Variants in KCNIP4 observed in about 807,000 individuals in gnomAD.
KCNIP4 encodes the protein Kv channel-interacting protein 4.
A neutral mutation model predicts 34.0 loss-of-function variants in KCNIP4; 12 were observed. The ratio of observed to expected loss-of-function variants is 0.35; its 90% CI spans 0.23 to 0.57. The LOEUF (loss-of-function observed/expected upper bound fraction) is 0.57. Ranked by LOEUF, KCNIP4 falls within the 20% of genes least tolerant of loss-of-function variation. KCNIP4 has a pLI of 0.83. For synonymous variants in KCNIP4, 124 were observed against 102.2 expected (o/e 1.21, Z -1.29); for missense variants, 238 against 311.7 (o/e 0.76, Z 1.78).
chr4:21,246,603 T>C (rs1250168627), intron 1 of KCNIP4, among the ~76,000 whole-genome samples: 1 of 152,112 alleles, frequency 6.6e-6, no homozygotes, highest in African/African-American at 2.4e-5. Flanking sequence ...CAGCAGGCAA[T>C]TTTGATACAC....
At chr4:21,270,655 A>C (rs1004091123) in intron 1 of KCNIP4, among the ~76,000 whole-genome samples, 1 of 152,198 alleles carries the variant, frequency 6.6e-6, no homozygotes, top group Admixed American at 6.5e-5. Context: ...CATTCAATTA[A>C]TTTTTTTCCA....
intron 1 of KCNIP4, among the ~76,000 whole-genome samples, chr4:21,720,487 T>G (rs1357602017): frequency 6.6e-6 from 1 of 151,730 alleles, no homozygotes; most frequent in Non-Finnish European, 1.5e-5. Context: ...TAAAAGAGAA[T>G]GACTCGGAGC....
chr4:21,059,642 G>C (rs1167812466), intron 1 of KCNIP4, among the ~76,000 whole-genome samples: 1 of 152,058 alleles, frequency 6.6e-6, no homozygotes, highest in Non-Finnish European at 1.5e-5. Context: ...GTGTATTTAT[G>C]GGATAGAGGG....
At chr4:21,564,711 G>C (rs1346132033) in intron 1 of KCNIP4, among the ~76,000 whole-genome samples, 2 of 152,040 alleles carry the variant, frequency 1.3e-5, no homozygotes, top group Admixed American at 1.3e-4. Context: ...GGCTGTAAAA[G>C]AAGCACAGCA....
intron 3 of KCNIP4, among the ~76,000 whole-genome samples, chr4:20,802,414 C>A (rs181924181): frequency 7.2e-5 from 11 of 151,796 alleles, no homozygotes; most frequent in African/African-American, 1.9e-4. Context: ...TAGTAGGGAA[C>A]TTTAATACTC....
chr4:21,124,692 G>A (rs987558049), intron 1 of KCNIP4, among the ~76,000 whole-genome samples: 2 of 152,104 alleles, frequency 1.3e-5, no homozygotes, highest in African/African-American at 4.8e-5. Context: ...GCTTAAAAAG[G>A]TACAGACTCC....
chr4:21,062,165 C>CT lies in KCNIP4; in HGVS notation c.62-179457dup, dbSNP rs1257149427. ...CTTAGCACTAATTTTGTCATATGTC[C>CT]TGTGCTAATGGATGTAGATGACAAT... On this transcript the variant is annotated intron_variant, in intron 1 of 8. Transcript: ENST00000382152. Among the ~76,000 whole-genome samples, 3 of 152,118 alleles carry CT rather than the reference C, an allele frequency of 2.0e-5. No homozygotes were observed. The East Asian group carries it at 5.8e-4, about 29-fold the overall frequency.
intron 1 of KCNIP4, among the ~76,000 whole-genome samples, chr4:21,366,284 A>G (rs1316726121): frequency 6.6e-6 from 1 of 152,122 alleles, no homozygotes; most frequent in African/African-American, 2.4e-5. Context: ...TAAAAAAAAC[A>G]TACTCCAGCC....
chr4:21,314,577 A>AT (rs1713535192), intron 1 of KCNIP4, among the ~76,000 whole-genome samples: 1 of 152,058 alleles, frequency 6.6e-6, no homozygotes, highest in African/African-American at 2.4e-5. Context: ...TATCTCATGC[A>AT]TTTTTCAAAC....
At chr4:21,907,067 A>G (rs894119411) in intron 1 of KCNIP4, among the ~76,000 whole-genome samples, 3 of 152,252 alleles carry the variant, frequency 2.0e-5, no homozygotes, top group African/African-American at 7.2e-5. Flanking sequence ...TATGATGAAG[A>G]CTACTGCTAT....
chr4:20,940,580 A>G (rs751970680), intron 1 of KCNIP4, among the ~76,000 whole-genome samples: 6 of 152,192 alleles, frequency 3.9e-5, no homozygotes, highest in Non-Finnish European at 8.8e-5. Context: ...AAAATTATGA[A>G]ATACATTTCT....
chr4:20,894,804 G>GA (rs1371634850), intron 1 of KCNIP4, among the ~76,000 whole-genome samples: 1 of 152,154 alleles, frequency 6.6e-6, no homozygotes, highest in Admixed American at 6.6e-5. Context: ...AATAGAACAA[G>GA]AAAGTCCTCT....
chr4:21,701,339 T>C (rs974316647), intron 1 of KCNIP4, among the ~76,000 whole-genome samples: 14 of 152,300 alleles, frequency 9.2e-5, no homozygotes, highest in African/African-American at 3.4e-4. Flanking sequence ...TATTGATCAA[T>C]TGTACAACGC....
intron 1 of KCNIP4, among the ~76,000 whole-genome samples, chr4:21,322,241 T>C (rs768542457): frequency 5.3e-5 from 8 of 152,064 alleles, no homozygotes; most frequent in Non-Finnish European, 1.0e-4. Context: ...ATATAAGAAA[T>C]AGATTTCTGG....
chr4:20,951,089 A>G (rs1311764710), intron 1 of KCNIP4, among the ~76,000 whole-genome samples: 1 of 152,108 alleles, frequency 6.6e-6, no homozygotes. Flanking sequence ...ATAAGAAGAC[A>G]CGTCAGAGTG....
intron 1 of KCNIP4, among the ~76,000 whole-genome samples, chr4:21,501,995 A>G (rs77637490): frequency 5.2e-4 from 15 of 28,806 alleles, no homozygotes; most frequent in Admixed American, 3.9e-3. Flanking sequence ...ATGCACACGC[A>G]CACACACACA....
chr4:21,193,686 C>G lies in KCNIP4; in HGVS notation c.62-310977G>C, dbSNP rs553801458. Reference sequence around the variant, plus strand: ...TCCTGGGTTCACGCCATTCTCCTGCCTCAGCCTCCCGAGTAGCCGGGACTA... The same window carrying G: ...TCCTGGGTTCACGCCATTCTCCTGCGTCAGCCTCCCGAGTAGCCGGGACTA... On this transcript the variant is annotated intron_variant, in intron 1 of 8. Transcript: ENST00000382152. 1.9e-3 allele frequency among the ~76,000 whole-genome samples: 283 copies of G among 151,572 alleles called. 1 individual carries two copies. The highest frequency in any genetic ancestry group is 5.4e-3 in the South Asian group (26 of 4,802).
At chr4:21,713,356 T>C (rs1043299651) in intron 1 of KCNIP4, among the ~76,000 whole-genome samples, 4 of 152,182 alleles carry the variant, frequency 2.6e-5, no homozygotes, top group Non-Finnish European at 4.4e-5. Flanking sequence ...GCAAGGACCA[T>C]GGCACATCTT....
At chr4:21,005,932 TTTGG>T (rs1327204268) in intron 1 of KCNIP4, among the ~76,000 whole-genome samples, 2 of 152,192 alleles carry the variant, frequency 1.3e-5, no homozygotes, top group East Asian at 3.8e-4. Flanking sequence ...GCATGCAAAC[TTTGG>T]TTGATCTACT....
Sources: gnomAD v4.1 joint callset for allele counts (sites outside exome capture counted in the v4.1 genomes callset) on GRCh38, gnomAD v4.1.1 for gene constraint, MANE v1.5 for transcripts, NCBI Gene and HGNC (gene_info 2026-07-23, HGNC 2026-07-21) for gene names.